Variants in EXOC4 observed in about 807,000 individuals in gnomAD.
EXOC4 encodes exocyst complex component 4.
EXOC4 carries 71 observed loss-of-function variants against 107.2 expected under a neutral mutation model. That is an observed-to-expected ratio of 0.66 (90% CI 0.55 to 0.81). The LOEUF is 0.81. EXOC4 is among the 30% of genes least tolerant of loss of function. EXOC4 has a pLI of 0.00. For missense variants in EXOC4, 1,108 were observed against 1,189.6 expected, an observed-to-expected ratio of 0.93 and a Z score of 1.01; for synonymous variants, 456 against 441.2, an observed-to-expected ratio of 1.03 and a Z score of -0.42.
chr7:133,795,625 A>G (rs1796797857), intron 10 of EXOC4, among the ~76,000 whole-genome samples: 1 of 152,156 alleles, frequency 6.6e-6, no homozygotes, highest in Non-Finnish European at 1.5e-5. Context: ...GTGACATCAT[A>G]TTATCTCTAT....
intron 17 of EXOC4, among the ~76,000 whole-genome samples, chr7:134,051,099 G>GT (rs1248864010): frequency 6.6e-6 from 1 of 152,202 alleles, no homozygotes; most frequent in Non-Finnish European, 1.5e-5. Flanking sequence ...AGCTAGTTCC[G>GT]TTAAGCAAAA....
chr7:133,688,560 C>T (rs576364329), intron 10 of EXOC4, among the ~76,000 whole-genome samples: 1 of 152,220 alleles, frequency 6.6e-6, no homozygotes, highest in East Asian at 1.9e-4. Context: ...TTATGGGAAG[C>T]TTGTGGAGCT....
intron 10 of EXOC4, among the ~76,000 whole-genome samples, chr7:133,647,359 A>T (rs1386867416): frequency 6.6e-6 from 1 of 152,184 alleles, no homozygotes; most frequent in African/African-American, 2.4e-5. Context: ...AATAAGAGCT[A>T]AAATGATTGA....
At chr7:133,771,511 T>A (rs1340058844) in intron 10 of EXOC4, 1 of 152,018 alleles carries the variant, frequency 6.6e-6, no homozygotes, top group Non-Finnish European at 1.5e-5. Context: ...ATAACCATGC[T>A]TGTTTTTGCA....
chr7:133,908,120 C>T (rs1361272820), intron 12 of EXOC4, among the ~76,000 whole-genome samples: 1 of 152,196 alleles, frequency 6.6e-6, no homozygotes, highest in African/African-American at 2.4e-5. Context: ...CCTCATTTCT[C>T]CTACCCAACT....
intron 14 of EXOC4, among the ~76,000 whole-genome samples, chr7:133,985,156 T>A (rs975106572): frequency 2.6e-5 from 4 of 152,168 alleles, no homozygotes; most frequent in African/African-American, 9.7e-5. Context: ...TAAGAAACAC[T>A]AAAAAGTTAT....
chr7:133,823,829 T>C lies in EXOC4; in HGVS notation c.1734+6285T>C, dbSNP rs866035927. Among the ~76,000 whole-genome samples the C allele has an allele frequency of 2.7e-3, 67 of 25,154 alleles. 1 individual carries two copies. The highest frequency in any genetic ancestry group is 7.5e-3 in the African/African-American group (51 of 6,756). 16.5% of individuals were successfully genotyped at this position (25,154 alleles called of 152,430 possible). On this transcript the variant is annotated intron_variant, in intron 11 of 17. Transcript: ENST00000253861. ...AGACTGTCTCAAAAATACATACATATATATATATATATATTATATATATAT... is the reference window on the plus strand; with the variant it reads ...AGACTGTCTCAAAAATACATACATACATATATATATATATTATATATATAT...
In EXOC4 at chr7:134,065,353, T is replaced by A. The variant is rs1432504449; in HGVS notation, c.*825T>A. On this transcript the variant is annotated 3_prime_UTR_variant, in exon 18 of 18. Transcript: ENST00000253861. ...CATTGCATCTCACTTGAAACATCCT[T>A]TGGGGGTAAATGATTCTTAGGTGCT... is the stretch of plus-strand genomic sequence containing the variant. 1 of 151,908 alleles carries A rather than the reference T, an allele frequency of 6.6e-6. No homozygotes were observed. The highest frequency in any genetic ancestry group is 2.4e-5 in the African/African-American group (1 of 41,364). The allele number at this position is 151,908 out of a possible 1,614,324, so 9.4% of individuals were successfully genotyped here.
intron 7 of EXOC4, among the ~76,000 whole-genome samples, chr7:133,395,675 A>G (rs1433520573): frequency 3.3e-5 from 5 of 152,016 alleles, no homozygotes; most frequent in Non-Finnish European, 4.4e-5. Flanking sequence ...CACTGTATAT[A>G]TAAAACACAC....
At chr7:133,974,927 G>T (rs1793791776) in intron 14 of EXOC4, among the ~76,000 whole-genome samples, 1 of 152,146 alleles carries the variant, frequency 6.6e-6, no homozygotes, top group Admixed American at 6.5e-5. Context: ...CAACATCTTT[G>T]CTCTGTGTAT....
chr7:133,553,918 T>G (rs1800642721), intron 9 of EXOC4, among the ~76,000 whole-genome samples: 1 of 152,152 alleles, frequency 6.6e-6, no homozygotes, highest in African/African-American at 2.4e-5. Context: ...ACTTTACCGA[T>G]CAGGGGATTT....
chr7:134,094,791 A>G, the EXOC4 span, among the ~76,000 whole-genome samples: 51 of 152,276 alleles, frequency 3.3e-4, no homozygotes, highest in South Asian at 6.8e-3. Context: ...ACATCGATTC[A>G]TAATAAAAAC....
At chr7:133,573,789 G>T (rs544114684) in intron 9 of EXOC4, among the ~76,000 whole-genome samples, 2 of 152,290 alleles carry the variant, frequency 1.3e-5, no homozygotes, top group East Asian at 3.9e-4. Flanking sequence ...AAAGTGCTGG[G>T]ATTAGAGGCA....
chr7:133,324,661 T>A (rs1160844954), intron 5 of EXOC4, among the ~76,000 whole-genome samples: 1 of 152,198 alleles, frequency 6.6e-6, no homozygotes, highest in Non-Finnish European at 1.5e-5. Context: ...AAGTGTGATG[T>A]GGTGCTGAGA....
At chr7:133,541,857 A>G (rs1432730516) in intron 9 of EXOC4, among the ~76,000 whole-genome samples, 1 of 152,008 alleles carries the variant, frequency 6.6e-6, no homozygotes, top group Non-Finnish European at 1.5e-5. Context: ...ATTTTTTGGG[A>G]AAGAAGTTTT....
intron 14 of EXOC4, among the ~76,000 whole-genome samples, chr7:133,980,186 T>C (rs1400167780): frequency 6.6e-6 from 1 of 152,212 alleles, no homozygotes; most frequent in Non-Finnish European, 1.5e-5. Flanking sequence ...TCTTACCCAG[T>C]GTGTATGTTT....
chr7:133,421,908 A>G (rs1422541294), intron 7 of EXOC4, among the ~76,000 whole-genome samples: 1 of 152,212 alleles, frequency 6.6e-6, no homozygotes, highest in Non-Finnish European at 1.5e-5. Flanking sequence ...AATGAAGAAT[A>G]TGATCCTTGC....
chr7:133,779,565 G>A (rs1796416554), intron 10 of EXOC4, among the ~76,000 whole-genome samples: 1 of 152,178 alleles, frequency 6.6e-6, no homozygotes, highest in African/African-American at 2.4e-5. Flanking sequence ...GGTCAGTGAG[G>A]ACTTGGAGAA....
At chr7:134,008,065 A>C (rs1380132671) in intron 17 of EXOC4, 2 of 435,390 alleles carry the variant, frequency 4.6e-6, no homozygotes, top group African/African-American at 2.0e-5. Flanking sequence ...GTTCTTCTTA[A>C]CTACAATACT....
Sources: allele counts gnomAD v4.1 joint callset (sites outside exome capture counted in the v4.1 genomes callset), GRCh38; gene constraint gnomAD v4.1.1; transcripts MANE v1.5; gene names NCBI Gene and HGNC (gene_info 2026-07-23, HGNC 2026-07-21).